The following CCAR1 variants were observed in gnomAD, a reference collection of about 807,000 sequenced individuals.
CCAR1 encodes cell division cycle and apoptosis regulator 1, also known as cell division cycle and apoptosis regulator protein 1.
CCAR1 carries 78 observed loss-of-function variants against 163.8 expected under a neutral mutation model. The observed-to-expected ratio is 0.48, with a 90% confidence interval of 0.40 to 0.57. CCAR1 has a LOEUF of 0.57. Ranked by LOEUF, CCAR1 falls within the 20% of genes least tolerant of loss-of-function variation. The pLI is 0.00. For missense variants in CCAR1, 1,019 were observed against 1,365.2 expected (o/e 0.75, Z 4.00); for synonymous variants, 443 against 460.7 (o/e 0.96, Z 0.49).
chr10:68,721,461 G>C (rs1440710634), intron 1 of CCAR1, 179 bp downstream of exon 1: 3 of 355,040 alleles, frequency 8.4e-6, no homozygotes, highest in Non-Finnish European at 1.6e-5. Flanking sequence ...TGTGCGGGTC[G>C]GAGCAGGCCC....
chr10:68,721,810 C>G (rs773977130), intron 1 of CCAR1: 6 of 247,052 alleles, frequency 2.4e-5, no homozygotes, highest in Non-Finnish European at 5.0e-5. Flanking sequence ...TCGTGGCGGC[C>G]GAGGAGGGGG....
intron 2 of CCAR1, among the ~76,000 whole-genome samples, chr10:68,726,721 G>A (rs2055952795): frequency 6.6e-6 from 1 of 151,946 alleles, no homozygotes; most frequent in African/African-American, 2.4e-5. Flanking sequence ...ATTTTGGCTG[G>A]GCGTGGTGAC....
At chr10:68,780,837 TATAA>T (rs1184779518) in intron 19 of CCAR1, among the ~76,000 whole-genome samples, 3 of 152,328 alleles carry the variant, frequency 2.0e-5, no homozygotes, top group Admixed American at 2.0e-4. Context: ...CGAGCTTAAT[TATAA>T]ATATTGTTTG....
intron 19 of CCAR1, among the ~76,000 whole-genome samples, chr10:68,777,864 G>A (rs886201616): frequency 5.3e-5 from 8 of 151,914 alleles, no homozygotes; most frequent in South Asian, 4.2e-4. Context: ...CCCGGGAGGC[G>A]GAGGTTGCAG....
intron 5 of CCAR1, among the ~76,000 whole-genome samples, chr10:68,741,941 C>T (rs771550678): frequency 6.6e-6 from 1 of 152,098 alleles, no homozygotes; most frequent in Non-Finnish European, 1.5e-5. Context: ...CTCCTATTTT[C>T]AATAATCAAC....
chr10:68,724,996 G>T (rs1351778537), intron 2 of CCAR1, among the ~76,000 whole-genome samples: 1 of 152,114 alleles, frequency 6.6e-6, no homozygotes, highest in Non-Finnish European at 1.5e-5. Flanking sequence ...AAGGTAGCCT[G>T]GCGTGGTGGC....
intron 19 of CCAR1, among the ~76,000 whole-genome samples, chr10:68,778,900 G>A (rs2056700250): frequency 6.6e-6 from 1 of 152,270 alleles, no homozygotes; most frequent in East Asian, 1.9e-4. Context: ...CACCAGGCTG[G>A]AGTGCACTGG....
Position 68,749,285 on chromosome 10 carries a change from C to CTG in CCAR1, c.956+23_956+24dup, listed in dbSNP as rs779217858. ...TCGAAGGTATATTTTCTAAAGTGTA[C>CTG]TGTGGATGGTGGCAATGGTTGTACA... On this transcript the variant is annotated intron_variant, in intron 9 of 24. Transcript: ENST00000265872. 15 of 1,591,730 alleles carry CTG rather than the reference C, an allele frequency of 9.4e-6. No individual in the cohort carries two copies. The African/African-American group carries it at 1.9e-4, about 20-fold the overall frequency.
intron 19 of CCAR1, among the ~76,000 whole-genome samples, chr10:68,777,942 C>T (rs760688097): frequency 2.0e-5 from 3 of 152,036 alleles, no homozygotes; most frequent in East Asian, 1.9e-4. Context: ...AAAAGAAGGC[C>T]GGGTGCGGTG....
chr10:68,732,407 T>C (rs914929741), intron 2 of CCAR1, among the ~76,000 whole-genome samples: 2 of 152,150 alleles, frequency 1.3e-5, no homozygotes, highest in African/African-American at 4.8e-5. Context: ...TGTAGTGCAG[T>C]GGCGCCATCT....
intron 2 of CCAR1, among the ~76,000 whole-genome samples, chr10:68,729,334 A>C (rs1398058824): frequency 1.4e-5 from 2 of 147,696 alleles, no homozygotes; most frequent in Non-Finnish European, 3.0e-5. Flanking sequence ...CAGTGGCGCT[A>C]TCTCGGCTCA....
chr10:68,749,668 A>G lies in CCAR1; in HGVS notation c.1101A>G (p.Ser367=), dbSNP rs1053520298. 3.7e-6 allele frequency: 6 copies of G among 1,608,014 alleles called. No individual in the cohort carries two copies. The highest frequency in any genetic ancestry group is 5.1e-6 in the Non-Finnish European group (6 of 1,175,636). ...RVVPRYTVQF[S]KFSLDCPSCD... ...TTCCACGTTACACAGTTCAGTTTTC[A>G]AAGTTTTCTTTAGATTGGTAGGTTA... is the stretch of plus-strand genomic sequence containing the variant. Residue 367 remains serine (S), a synonymous_variant, in exon 10 of 25, where the codon TCA becomes TCG. Transcript: ENST00000265872.
At chr10:68,749,032 T>C in intron 8 of CCAR1, 104 bp from the exon 9 acceptor site, 1 of 1,367,642 alleles carries the variant, frequency 7.3e-7, no homozygotes, top group Non-Finnish European at 1.0e-6. Flanking sequence ...AAAAACAATT[T>C]TAGTCACTCT....
intron 19 of CCAR1, among the ~76,000 whole-genome samples, chr10:68,775,497 C>CTTTTTTTTTTT (rs58856212): frequency 8.5e-6 from 1 of 117,984 alleles, no homozygotes. Flanking sequence ...GCCTCATTTT[C>CTTTTTTTTTTT]TTTTTTTTTT....
intron 2 of CCAR1, among the ~76,000 whole-genome samples, chr10:68,723,319 C>G (rs928410276): frequency 1.4e-5 from 2 of 147,498 alleles, no homozygotes; most frequent in Non-Finnish European, 3.0e-5. Context: ...TTAGTAGAGA[C>G]GGGGTTTCAC....
At chr10:68,741,606 C>T (rs2056185686) in intron 5 of CCAR1, among the ~76,000 whole-genome samples, 1 of 152,156 alleles carries the variant, frequency 6.6e-6, no homozygotes, top group African/African-American at 2.4e-5. Context: ...TCTTTGTATA[C>T]TGATATGGAA....
At chr10:68,790,603 A>G (rs1454274632) in intron 24 of CCAR1, among the ~76,000 whole-genome samples, 1 of 151,958 alleles carries the variant, frequency 6.6e-6, no homozygotes, top group African/African-American at 2.4e-5. Flanking sequence ...ATCTTGGCTC[A>G]CTGCAGCCTC....
intron 19 of CCAR1, among the ~76,000 whole-genome samples, chr10:68,777,514 C>G (rs1051634472): frequency 2.0e-5 from 3 of 151,958 alleles, no homozygotes; most frequent in African/African-American, 7.3e-5. Context: ...GAAACCCTGT[C>G]TTTACTAAAA....
Position 68,723,658 on chromosome 10 carries a change from C to T in CCAR1, c.73+1081C>T, listed in dbSNP as rs151209614. Among the ~76,000 whole-genome samples the T allele has an allele frequency of 5.8e-3, 842 of 146,352 alleles. 6 individuals are homozygous for T. The highest frequency in any genetic ancestry group is 0.02 in the African/African-American group (800 of 39,726). On this transcript the variant is annotated intron_variant, in intron 2 of 24. Coordinates refer to ENST00000265872, the MANE Select transcript of CCAR1 (RefSeq NM_018237.4). ...GGTCAGGAAATCGAGACCATCCTGG[C>T]TTACATGGTGTAACCCCGTCTCTAC...
Sources: gnomAD v4.1 joint callset for allele counts (sites outside exome capture counted in the v4.1 genomes callset) on GRCh38, gnomAD v4.1.1 for gene constraint, MANE v1.5 for transcripts, NCBI Gene and HGNC (gene_info 2026-07-23, HGNC 2026-07-21) for gene names.